Variants in ATP6V0A4 observed in about 807,000 individuals in gnomAD.
ATP6V0A4 encodes the protein V-type proton ATPase 116 kDa subunit a 4.
A neutral mutation model predicts 107.3 loss-of-function variants in ATP6V0A4; 86 were observed. The ratio of observed to expected loss-of-function variants is 0.80; its 90% CI spans 0.67 to 0.96. ATP6V0A4 has a LOEUF of 0.96. Ranked by LOEUF, ATP6V0A4 falls within the 40% of genes least tolerant of loss-of-function variation. The pLI, the probability that ATP6V0A4 is intolerant of heterozygous loss-of-function variation, is 0.00. For synonymous variants in ATP6V0A4, 353 were observed against 381.4 expected (o/e 0.93, Z 0.87); for missense variants, 908 against 1,045.6 (o/e 0.87, Z 1.81).
chr7:138,728,407 A>G (rs1195621355), intron 18 of ATP6V0A4, among the ~76,000 whole-genome samples: 1 of 151,952 alleles, frequency 6.6e-6, no homozygotes. Context: ...TGGTGTTTTT[A>G]GTAGAGATGG....
rs1160552255 is a variant in ATP6V0A4 at position 138,747,274 on chromosome 7, T to C, written c.1320+151A>G. 7.8e-6 allele frequency: 8 copies of C among 1,025,094 alleles called. No homozygotes were observed. The Admixed American group carries it at 1.5e-4, about 19-fold the overall frequency. 63.5% of individuals were successfully genotyped at this position (1,025,094 alleles called of 1,614,324 possible). A position where few individuals can be genotyped will look rare whatever the true frequency, so the allele number is the denominator to read the frequency against. On this transcript the variant is annotated intron_variant, in intron 13 of 21. Transcript: ENST00000310018. The stretch of plus-strand genomic sequence containing the variant: ...ACCAAACCATCCAAAGGAATTACCT[T>C]TGGCCAGAAGTTTTAGGTTAATTTG...
chr7:138,755,483 G>A (rs1203225839), intron 10 of ATP6V0A4, among the ~76,000 whole-genome samples: 1 of 152,220 alleles, frequency 6.6e-6, no homozygotes, highest in Non-Finnish European at 1.5e-5. Context: ...CCTGGGCAAA[G>A]CATTCTTAAG....
chr7:138,752,907 G>A, intron 10 of ATP6V0A4, 70 bp from the exon 11 acceptor site: 4 of 1,586,984 alleles, frequency 2.5e-6, no homozygotes, highest in Non-Finnish European at 3.4e-6. Flanking sequence ...GCCAAAAATG[G>A]AGTGTCACAG....
At chr7:138,767,922 G>GT (rs934110296) in intron 5 of ATP6V0A4, among the ~76,000 whole-genome samples, 2 of 152,000 alleles carry the variant, frequency 1.3e-5, no homozygotes, top group African/African-American at 4.8e-5. Flanking sequence ...GTATTCAGTG[G>GT]TTTTTTTGTT....
intron 15 of ATP6V0A4, among the ~76,000 whole-genome samples, chr7:138,738,513 G>T (rs1805461273): frequency 6.6e-6 from 1 of 152,110 alleles, no homozygotes. Flanking sequence ...TTTGACCAAG[G>T]ACAACGTCTT....
chr7:138,784,381 C>T (rs1180202949), intron 2 of ATP6V0A4, among the ~76,000 whole-genome samples: 1 of 147,436 alleles, frequency 6.8e-6, no homozygotes, highest in East Asian at 2.0e-4. Context: ...TGCAGTGGCG[C>T]AATCTTGGCT....
chr7:138,788,296 T>G (rs569842637), intron 1 of ATP6V0A4, among the ~76,000 whole-genome samples: 5 of 152,372 alleles, frequency 3.3e-5, no homozygotes, highest in Middle Eastern at 3.4e-3. Context: ...CAGATTGTTG[T>G]GCCAACAGAA....
At chr7:138,730,392 C>T (rs906397538) in intron 17 of ATP6V0A4, among the ~76,000 whole-genome samples, 14 of 139,766 alleles carry the variant, frequency 1.0e-4, no homozygotes, top group Admixed American at 1.4e-4. Context: ...GTGTGGCTAT[C>T]CTTTGATATT....
intron 15 of ATP6V0A4, among the ~76,000 whole-genome samples, chr7:138,739,083 C>G (rs1371038099): frequency 6.6e-6 from 1 of 152,134 alleles, no homozygotes; most frequent in Admixed American, 6.6e-5. Context: ...GAAGCAAATA[C>G]CTTTTTTAAA....
intron 8 of ATP6V0A4, among the ~76,000 whole-genome samples, chr7:138,758,613 G>C (rs1254374643): frequency 6.6e-6 from 1 of 152,146 alleles, no homozygotes; most frequent in Non-Finnish European, 1.5e-5. Flanking sequence ...ATGGCACTAA[G>C]GGCTGAGCCC....
chr7:138,761,516 T>C lies in ATP6V0A4; in HGVS notation c.512+824A>G, dbSNP rs113633240. Among the ~76,000 whole-genome samples the C allele has an allele frequency of 2.4e-3, 356 of 151,326 alleles. 1 individual carries two copies. The highest frequency in any genetic ancestry group is 8.3e-3 in the African/African-American group (340 of 41,204). On this transcript the variant is annotated intron_variant, in intron 7 of 21. Transcript: ENST00000310018. ...CGGGTGTGGTGGCAGACGCCTGTAG[T>C]CCCAGCTACTCGGCTGAGGCAGGAG...
chr7:138,777,501 A>G (rs1301749006), intron 2 of ATP6V0A4, among the ~76,000 whole-genome samples: 1 of 151,896 alleles, frequency 6.6e-6, no homozygotes, highest in African/African-American at 2.4e-5. Flanking sequence ...CTGTAATCCC[A>G]GCTACTCAAG....
At chr7:138,741,000 T>A (rs1805610172) in intron 14 of ATP6V0A4, among the ~76,000 whole-genome samples, 1 of 151,542 alleles carries the variant, frequency 6.6e-6, no homozygotes, top group Admixed American at 6.6e-5. Context: ...AAAAATTAGT[T>A]GGGCGTGGTG....
chr7:138,729,853 T>A (rs1355598055), intron 17 of ATP6V0A4, among the ~76,000 whole-genome samples: 1 of 152,196 alleles, frequency 6.6e-6, no homozygotes, highest in African/African-American at 2.4e-5. Context: ...GATAATAGAG[T>A]GAACACTTTA....
chr7:138,733,223 G>A, intron 16 of ATP6V0A4, 130 bp from the exon 17 acceptor site: 3 of 1,460,000 alleles, frequency 2.1e-6, no homozygotes, highest in Non-Finnish European at 2.7e-6. Flanking sequence ...GCAAACAACG[G>A]CACCCCCCAC....
At chr7:138,794,501 T>C (rs1231814986) in intron 1 of ATP6V0A4, among the ~76,000 whole-genome samples, 2 of 152,200 alleles carry the variant, frequency 1.3e-5, no homozygotes, top group African/African-American at 2.4e-5. Context: ...CATGAAATCT[T>C]ATCAGGGATA....
At chr7:138,709,942 G>GAA in intron 20 of ATP6V0A4, 147 bp from the exon 21 acceptor site, 1 of 907,880 alleles carries the variant, frequency 1.1e-6, no homozygotes, top group East Asian at 4.3e-5. Flanking sequence ...TCCAACTCCT[G>GAA]GCCTGAAGCA....
At chr7:138,780,929 TA>T (rs1160448717) in intron 2 of ATP6V0A4, among the ~76,000 whole-genome samples, 3 of 151,502 alleles carry the variant, frequency 2.0e-5, no homozygotes, top group African/African-American at 7.3e-5. Flanking sequence ...AAAAAAAAAT[TA>T]AAAAAAAGAA....
chr7:138,707,350 A>AATATATTATATTATATATATATTTAT (rs1803488172), intron 21 of ATP6V0A4, among the ~76,000 whole-genome samples: 2 of 90,394 alleles, frequency 2.2e-5, no homozygotes, highest in Admixed American at 2.0e-4. Flanking sequence ...TATATATTAT[A>AATATATTATATTATATATATATTTAT]ATATATATTA....
Sources: gnomAD v4.1 joint callset for allele counts (sites outside exome capture counted in the v4.1 genomes callset) on GRCh38, gnomAD v4.1.1 for gene constraint, MANE v1.5 for transcripts, NCBI Gene and HGNC (gene_info 2026-07-23, HGNC 2026-07-21) for gene names.